Variants in KALRN observed in about 807,000 individuals in gnomAD.
KALRN encodes kalirin RhoGEF kinase.
KALRN carries 70 observed loss-of-function variants against 353.7 expected under a neutral mutation model. The observed-to-expected ratio is 0.20, with a 90% CI of 0.16 to 0.24. The LOEUF (loss-of-function observed/expected upper bound fraction) is 0.24. Among genes scored for constraint, KALRN ranks in the 10% least tolerant of loss-of-function variants. KALRN has a pLI of 1.00. For missense variants in KALRN, 2,791 were observed against 3,756.7 expected (o/e 0.74, Z 6.72); for synonymous variants, 1,391 against 1,434.8 (o/e 0.97, Z 0.69).
chr3:124,539,052 A>G (rs2068772573), intron 33 of KALRN, among the ~76,000 whole-genome samples: 1 of 152,138 alleles, frequency 6.6e-6, no homozygotes, highest in African/African-American at 2.4e-5. Context: ...TGAAAGTGCC[A>G]CTGAGTTCTG....
chr3:124,087,048 C>T (rs576595160), intron 1 of KALRN, among the ~76,000 whole-genome samples: 1 of 152,274 alleles, frequency 6.6e-6, no homozygotes, highest in Non-Finnish European at 1.5e-5. Context: ...ATTCAGTGGG[C>T]ATCAGATTTT....
chr3:124,478,677 C>A (rs573395152), intron 27 of KALRN, among the ~76,000 whole-genome samples: 31 of 152,340 alleles, frequency 2.0e-4, no homozygotes, highest in African/African-American at 7.5e-4. Flanking sequence ...GCCACCATTA[C>A]CTCTGAGTGA....
chr3:124,398,632 C>T (rs1325881487), intron 12 of KALRN, 65 bp from the exon 13 acceptor site: 78 of 1,535,300 alleles, frequency 5.1e-5, no homozygotes, highest in Non-Finnish European at 6.9e-5. Flanking sequence ...AGATCCCCCT[C>T]CTCCTCTGTC....
chr3:124,717,509 A>AC (rs1365109201), intron 59 of KALRN, 124 bp downstream of exon 59: 3 of 522,588 alleles, frequency 5.7e-6, no homozygotes, highest in Non-Finnish European at 9.4e-6. Context: ...ACACGGTGAA[A>AC]CCCCGTCTCT....
chr3:124,413,788 T>C, intron 14 of KALRN, 123 bp downstream of exon 14: 1 of 815,664 alleles, frequency 1.2e-6, no homozygotes, highest in East Asian at 2.8e-5. Context: ...AGAATAGAGA[T>C]TTTTACCCAC....
At chr3:124,548,436 A>G (rs1349580324) in intron 33 of KALRN, among the ~76,000 whole-genome samples, 1 of 152,218 alleles carries the variant, frequency 6.6e-6, no homozygotes, top group Non-Finnish European at 1.5e-5. Flanking sequence ...ATTATCTCCC[A>G]TACTATCTAG....
chr3:124,342,954 TG>T (rs1053978213), intron 9 of KALRN, among the ~76,000 whole-genome samples: 9 of 152,214 alleles, frequency 5.9e-5, no homozygotes, highest in African/African-American at 2.2e-4. Flanking sequence ...GACATGCCCC[TG>T]GGGGCCAGGC....
At chr3:124,235,165 A>G (rs1313298119) in intron 3 of KALRN, among the ~76,000 whole-genome samples, 1 of 152,038 alleles carries the variant, frequency 6.6e-6, no homozygotes, top group East Asian at 1.9e-4. Context: ...AACTCCGGAC[A>G]CTCAACTCTG....
chr3:124,632,426 A>G lies in KALRN; in HGVS notation c.5189A>G (p.Tyr1730Cys). Residue 1730 changes from tyrosine (Y) to cysteine (C), a missense_variant, in exon 35 of 60, where the codon TAC becomes TGC. By Grantham distance (194) the Tyr-to-Cys change is radical (BLOSUM62 -2). This residue lies in a region of KALRN where 1,065 missense variants were observed against 1,156.4 expected (regional missense o/e 0.92). Transcript: ENST00000682506. ...GTCTGTCCGTTTTCCTCAGATGCATACTCTCATTCCTCAAGCGAGAATGGA... is the reference window on the plus strand; with the variant it reads ...GTCTGTCCGTTTTCCTCAGATGCATGCTCTCATTCCTCAAGCGAGAATGGA... Reference protein sequence around the residue: ...DCFFPLVKDAYSHSSSENGGK... With the variant: ...DCFFPLVKDACSHSSSENGGK... 6.2e-7 allele frequency: 1 copy of G among 1,613,000 alleles called. No individual in the cohort carries two copies. The highest frequency in any genetic ancestry group is 8.5e-7 in the Non-Finnish European group (1 of 1,179,646).
At chr3:124,109,668 A>G (rs1239077393) in intron 1 of KALRN, among the ~76,000 whole-genome samples, 4 of 149,284 alleles carry the variant, frequency 2.7e-5, no homozygotes, top group Non-Finnish European at 5.9e-5. Context: ...ACCACATGAT[A>G]CTTTGATATA....
At chr3:124,094,518 C>G in intron 1 of KALRN, 1 of 377,260 alleles carries the variant, frequency 2.7e-6, no homozygotes, top group Non-Finnish European at 5.0e-6. Flanking sequence ...TTTTCATTCT[C>G]AAGACCACTG....
At chr3:124,483,415 G>A (rs1399975361) in intron 28 of KALRN, among the ~76,000 whole-genome samples, 10 of 152,172 alleles carry the variant, frequency 6.6e-5, no homozygotes, top group East Asian at 3.9e-4. Flanking sequence ...AGCCAGGCAT[G>A]GTGGTGTGCA....
chr3:124,580,939 C>T (rs984696960), intron 34 of KALRN, among the ~76,000 whole-genome samples: 1 of 104,658 alleles, frequency 9.6e-6, no homozygotes, highest in African/African-American at 3.1e-5. Context: ...AAAACCCTGT[C>T]TCTATTAAAA....
At chr3:124,682,182 A>G (rs1459527733) in intron 51 of KALRN, among the ~76,000 whole-genome samples, 7 of 152,230 alleles carry the variant, frequency 4.6e-5, no homozygotes, top group Non-Finnish European at 7.3e-5. Context: ...GAGAGAGGCT[A>G]TACCTTAAAG....
At chr3:124,045,364 A>C (rs1424517702) in intron 1 of KALRN, among the ~76,000 whole-genome samples, 3 of 152,208 alleles carry the variant, frequency 2.0e-5, no homozygotes, top group African/African-American at 7.2e-5. Flanking sequence ...TCACAGCTTT[A>C]AGTCAGAGCT....
chr3:124,593,245 A>G (rs186800827), intron 34 of KALRN, among the ~76,000 whole-genome samples: 1 of 152,268 alleles, frequency 6.6e-6, no homozygotes, highest in East Asian at 1.9e-4. Flanking sequence ...TTTGCCACAC[A>G]TTTTGTATCT....
At chr3:124,550,805 C>T (rs772498669) in intron 33 of KALRN, among the ~76,000 whole-genome samples, 9 of 151,988 alleles carry the variant, frequency 5.9e-5, no homozygotes, top group Admixed American at 3.3e-4. Flanking sequence ...CTGGCTAACA[C>T]GGTGAAACCC....
chr3:124,397,375 C>A (rs1687857908), intron 12 of KALRN, among the ~76,000 whole-genome samples: 1 of 152,128 alleles, frequency 6.6e-6, no homozygotes, highest in East Asian at 1.9e-4. Flanking sequence ...GACAAATTAG[C>A]CTTACGCCAT....
intron 33 of KALRN, among the ~76,000 whole-genome samples, chr3:124,549,100 C>G (rs907909770): frequency 2.0e-5 from 3 of 152,148 alleles, no homozygotes; most frequent in Non-Finnish European, 2.9e-5. Context: ...TTTAACATTT[C>G]TACAGTAACA....
Sources: gnomAD v4.1 joint callset for allele counts (sites outside exome capture counted in the v4.1 genomes callset) on GRCh38, gnomAD v4.1.1 for gene constraint, gnomAD v4.1.1 regional missense constraint, MANE v1.5 for transcripts, NCBI Gene and HGNC (gene_info 2026-07-23, HGNC 2026-07-21) for gene names.